Variants in ADCY8 observed in about 807,000 individuals in gnomAD.
ADCY8 encodes the protein adenylate cyclase 8.
ADCY8 carries 51 observed loss-of-function variants against 119.7 expected under a neutral mutation model. That is an observed-to-expected ratio of 0.43 (90% CI 0.34 to 0.54). ADCY8 has a LOEUF of 0.54. ADCY8 is among the 20% of genes least tolerant of loss of function. The pLI is 0.03. For synonymous variants in ADCY8, 665 were observed against 651.0 expected, an observed-to-expected ratio of 1.02 and a Z score of -0.33; for missense variants, 1,383 against 1,598.8, an observed-to-expected ratio of 0.87 and a Z score of 2.30.
chr8:130,988,083 A>T (rs374642797), intron 2 of ADCY8, among the ~76,000 whole-genome samples: 1 of 152,370 alleles, frequency 6.6e-6, no homozygotes, highest in East Asian at 1.9e-4. Context: ...ACTAAGACTC[A>T]GAGCTTGCTC....
At chr8:130,974,517 A>T (rs756247932) in intron 2 of ADCY8, among the ~76,000 whole-genome samples, 29 of 152,328 alleles carry the variant, frequency 1.9e-4, no homozygotes, top group Admixed American at 9.8e-4. Context: ...GAAAATAGAA[A>T]ATATCAGACT....
intron 14 of ADCY8, among the ~76,000 whole-genome samples, chr8:130,805,828 C>A (rs1815931599): frequency 6.6e-6 from 1 of 152,120 alleles, no homozygotes; most frequent in South Asian, 2.1e-4. Context: ...GAAAGGGAAA[C>A]CTGTGTTATG....
At chr8:130,861,162 T>C (rs1484654331) in intron 9 of ADCY8, among the ~76,000 whole-genome samples, 2 of 152,230 alleles carry the variant, frequency 1.3e-5, no homozygotes, top group Non-Finnish European at 2.9e-5. Context: ...TATTCTTTTA[T>C]GGTATTGTGT....
intron 5 of ADCY8, among the ~76,000 whole-genome samples, chr8:130,917,722 T>C (rs959261050): frequency 1.3e-5 from 2 of 152,010 alleles, no homozygotes; most frequent in South Asian, 4.2e-4. Flanking sequence ...ATTTATTTCC[T>C]GAAATGGCCC....
chr8:130,807,983 C>CAAAAAAAAAAA (rs752321769), intron 14 of ADCY8, among the ~76,000 whole-genome samples: 9 of 47,238 alleles, frequency 1.9e-4, no homozygotes, highest in African/African-American at 3.9e-4. Flanking sequence ...GACTCCGTCT[C>CAAAAAAAAAAA]AAAAAAAAAA....
At position 131,019,900 on chromosome 8, in the gene ADCY8, C is replaced by T. The variant is rs77054120; in HGVS notation, c.960+19474G>A. On this transcript the variant is annotated intron_variant, in intron 1 of 17. Transcript: ENST00000286355. ...AAGGGAGTGTTTTTCAAGAAAATTG[C>T]GGGTGTTTTGAAAATGAAATGGAAT... Among the ~76,000 whole-genome samples, 256 of 143,596 alleles carry T rather than the reference C, an allele frequency of 1.8e-3. 3 individuals carry two copies. The East Asian group carries it at 0.044, about 24-fold the overall frequency. 94.2% of individuals were successfully genotyped at this position (143,596 alleles called of 152,430 possible).
chr8:130,948,926 T>C (rs1821189778), intron 3 of ADCY8, among the ~76,000 whole-genome samples: 2 of 152,080 alleles, frequency 1.3e-5, no homozygotes, highest in Non-Finnish European at 2.9e-5. Context: ...GAGTTCATCT[T>C]CCCGAAACCC....
At chr8:130,869,814 G>A (rs533467973) in intron 8 of ADCY8, among the ~76,000 whole-genome samples, 24 of 152,110 alleles carry the variant, frequency 1.6e-4, no homozygotes, top group African/African-American at 5.5e-4. Flanking sequence ...ACTGCACCCG[G>A]CCGGCTACTG....
At chr8:130,926,079 C>T (rs991453412) in intron 5 of ADCY8, among the ~76,000 whole-genome samples, 4 of 152,164 alleles carry the variant, frequency 2.6e-5, no homozygotes, top group African/African-American at 9.7e-5. Context: ...TACCCTAACC[C>T]TATTGTTTTA....
intron 15 of ADCY8, 23 bp downstream of exon 15, chr8:130,800,403 A>G (rs779830716): frequency 2.4e-5 from 39 of 1,613,744 alleles, no homozygotes; most frequent in Non-Finnish European, 3.2e-5. Context: ...TTGTGATTGT[A>G]AATGTCTCAG....
At chr8:130,877,365 T>C (rs116273372) in intron 8 of ADCY8, among the ~76,000 whole-genome samples, 1,583 of 152,184 alleles carry the variant, frequency 0.01, 38 homozygotes, top group African/African-American at 0.037. Context: ...AGATGCCCAA[T>C]GGAGTGGACA....
chr8:130,904,668 C>A (rs1288188202), intron 6 of ADCY8, among the ~76,000 whole-genome samples: 1 of 152,168 alleles, frequency 6.6e-6, no homozygotes, highest in African/African-American at 2.4e-5. Context: ...AAGCTGTGGA[C>A]ATGTGCAGGC....
At chr8:130,811,979 G>C (rs1482424197) in intron 14 of ADCY8, among the ~76,000 whole-genome samples, 1 of 152,156 alleles carries the variant, frequency 6.6e-6, no homozygotes, top group Non-Finnish European at 1.5e-5. Flanking sequence ...GTTAGAGGGG[G>C]AACCAAATCA....
chr8:131,003,522 A>T (rs1228839062), intron 1 of ADCY8, among the ~76,000 whole-genome samples: 3 of 152,064 alleles, frequency 2.0e-5, no homozygotes, highest in African/African-American at 7.2e-5. Flanking sequence ...AATCCTGCCA[A>T]CCTCTTCAGA....
chr8:131,039,830 G>A lies in ADCY8; in HGVS notation c.504C>T (p.Arg168=). ...RNSFKSRDLE[R]LYQRYFLGQR... The stretch of plus-strand genomic sequence containing the variant: ...GGCCCAAGAAATAGCGCTGGTAGAG[G>A]CGTTCCAAATCCCGAGATTTGAAGG... The change falls in exon 1 of 18, where the codon CGC becomes CGT. Residue 168 remains arginine, a synonymous_variant. Coordinates refer to ENST00000286355, the MANE Select transcript of ADCY8 (RefSeq NM_001115.3). 1.9e-6 allele frequency: 3 copies of A among 1,614,208 alleles called. No individual in the cohort carries two copies. Among genetic ancestry groups the A allele is most frequent in the Non-Finnish European group, 2.5e-6 (3 of 1,180,030 alleles).
chr8:130,790,493 G>A (rs1395710371), intron 15 of ADCY8, among the ~76,000 whole-genome samples: 9 of 152,140 alleles, frequency 5.9e-5, no homozygotes, highest in Admixed American at 5.9e-4. Context: ...AACACAGCAT[G>A]TCTCCACCTC....
chr8:130,928,515 A>G (rs562999757), intron 5 of ADCY8, among the ~76,000 whole-genome samples: 1 of 152,206 alleles, frequency 6.6e-6, no homozygotes, highest in East Asian at 1.9e-4. Flanking sequence ...CTTTTTCTGC[A>G]TCTATTGAAA....
intron 6 of ADCY8, 41 bp from the exon 7 acceptor site, chr8:130,904,083 T>G: frequency 6.4e-7 from 1 of 1,567,150 alleles, no homozygotes; most frequent in African/African-American, 1.4e-5. Flanking sequence ...CTCCTGATGT[T>G]GCCTGCAAAG....
At chr8:130,814,878 A>G (rs914383515) in intron 13 of ADCY8, among the ~76,000 whole-genome samples, 1 of 152,148 alleles carries the variant, frequency 6.6e-6, no homozygotes, top group African/African-American at 2.4e-5. Flanking sequence ...GCCAAACCAT[A>G]TCATATCGTC....
Sources: gnomAD v4.1 joint callset for allele counts (sites outside exome capture counted in the v4.1 genomes callset) on GRCh38, gnomAD v4.1.1 for gene constraint, MANE v1.5 for transcripts, NCBI Gene and HGNC (gene_info 2026-07-23, HGNC 2026-07-21) for gene names.